SYNPR: variants seen among roughly 807,000 people sequenced by gnomAD.
SYNPR encodes synaptoporin.
SYNPR carries 23 observed loss-of-function variants against 32.9 expected under a neutral mutation model. The ratio of observed to expected loss-of-function variants is 0.70; its 90% confidence interval spans 0.50 to 0.99. The LOEUF is 0.99. SYNPR is among the 50% of genes least tolerant of loss of function. The probability of loss-of-function intolerance (pLI) is 0.00; values close to 1 mark genes in which losing one functional copy is unlikely to be tolerated. For missense variants in SYNPR, 318 were observed against 349.3 expected, an observed-to-expected ratio of 0.91 and a Z score of 0.71; for synonymous variants, 146 against 135.9, an observed-to-expected ratio of 1.07 and a Z score of -0.52.
intron 4 of SYNPR, among the ~76,000 whole-genome samples, chr3:63,573,227 G>C (rs996914863): frequency 1.3e-5 from 2 of 152,072 alleles, no homozygotes; most frequent in African/African-American, 4.8e-5. Context: ...TAAAACCCAG[G>C]GCTATCAGTT....
chr3:63,571,302 G>A (rs927943702), intron 4 of SYNPR, among the ~76,000 whole-genome samples: 2 of 152,150 alleles, frequency 1.3e-5, no homozygotes, highest in African/African-American at 4.8e-5. Context: ...TATACCTGCT[G>A]TCCCTGCAGT....
intron 2 of SYNPR, among the ~76,000 whole-genome samples, chr3:63,260,105 T>C (rs1211387278): frequency 1.3e-5 from 2 of 152,180 alleles, no homozygotes; most frequent in Non-Finnish European, 2.9e-5. Flanking sequence ...TCCATGCTCA[T>C]GGGTAGGAAG....
chr3:63,371,292 G>T (rs1057503285), intron 2 of SYNPR, among the ~76,000 whole-genome samples: 1 of 152,022 alleles, frequency 6.6e-6, no homozygotes, highest in Non-Finnish European at 1.5e-5. Flanking sequence ...GGTAAGAGAA[G>T]TCACTCATGC....
chr3:63,584,165 C>G (rs1185738767), intron 4 of SYNPR, among the ~76,000 whole-genome samples: 1 of 152,066 alleles, frequency 6.6e-6, no homozygotes, highest in Non-Finnish European at 1.5e-5. Context: ...ATGACTCCAG[C>G]CTTGGCCGGC....
chr3:63,274,880 C>G (rs948623133), upstream of SYNPR, among the ~76,000 whole-genome samples: 22 of 152,222 alleles, frequency 1.4e-4, no homozygotes, highest in Admixed American at 8.5e-4. Context: ...AACATTGTTA[C>G]ATGTTTTCCA....
chr3:63,480,816 T>C lies in SYNPR; in HGVS notation c.85-16T>C. The C allele has an allele frequency of 6.2e-7, 1 of 1,612,128 alleles. No individual in the cohort carries two copies. The highest frequency in any genetic ancestry group is 2.2e-5 in the East Asian group (1 of 44,830). On this transcript the variant is annotated splice_polypyrimidine_tract_variant and intron_variant, in intron 2 of 5. Transcript: ENST00000478300. ...TCCTAATAACTGCCTTCTATTTGTTTAATTGTTCTCCACAGCTTTTTGCAA... is the reference window on the plus strand; with the variant it reads ...TCCTAATAACTGCCTTCTATTTGTTCAATTGTTCTCCACAGCTTTTTGCAA...
chr3:63,365,542 A>T, intron 2 of SYNPR, among the ~76,000 whole-genome samples: 1 of 152,238 alleles, frequency 6.6e-6, no homozygotes, highest in East Asian at 1.9e-4. Context: ...AAAACTGAAG[A>T]ATTACTGACA....
intron 1 of SYNPR, among the ~76,000 whole-genome samples, chr3:63,236,394 TTGTC>T (rs1485961014): frequency 6.6e-5 from 10 of 152,114 alleles, no homozygotes; most frequent in African/African-American, 1.9e-4. Flanking sequence ...TAGCATAAGT[TTGTC>T]TGTATCTACA....
chr3:63,458,381 GC>G (rs1186025275), intron 2 of SYNPR, among the ~76,000 whole-genome samples: 4 of 152,058 alleles, frequency 2.6e-5, no homozygotes, highest in Non-Finnish European at 4.4e-5. Flanking sequence ...TCTTGACTGG[GC>G]CCACTCATGT....
At chr3:63,458,401 C>T (rs1037268594) in intron 2 of SYNPR, among the ~76,000 whole-genome samples, 19 of 152,044 alleles carry the variant, frequency 1.2e-4, no homozygotes, top group Non-Finnish European at 2.4e-4. Flanking sequence ...GTATCTATGG[C>T]GATTCTCTGA....
intron 3 of SYNPR, among the ~76,000 whole-genome samples, chr3:63,532,717 C>G (rs1052702469): frequency 6.6e-6 from 1 of 152,198 alleles, no homozygotes; most frequent in Non-Finnish European, 1.5e-5. Context: ...ATCCCACTGA[C>G]GTCCATAAGA....
chr3:63,368,581 C>T (rs1017217654), intron 2 of SYNPR, among the ~76,000 whole-genome samples: 4 of 151,970 alleles, frequency 2.6e-5, no homozygotes, highest in East Asian at 3.9e-4. Context: ...ACAGGCCAGA[C>T]GAGTGAATCT....
chr3:63,447,541 C>T (rs1030622097), intron 2 of SYNPR, among the ~76,000 whole-genome samples: 1 of 152,068 alleles, frequency 6.6e-6, no homozygotes, highest in African/African-American at 2.4e-5. Flanking sequence ...GCTGGTGGTC[C>T]TGTTACATGC....
intron 3 of SYNPR, among the ~76,000 whole-genome samples, chr3:63,500,640 A>G (rs540057554): frequency 5.9e-5 from 9 of 152,222 alleles, no homozygotes; most frequent in Non-Finnish European, 1.3e-4. Context: ...CTGGCATTTT[A>G]AAACCAAAAA....
At chr3:63,258,291 C>T (rs1374342556) in intron 2 of SYNPR, among the ~76,000 whole-genome samples, 3 of 152,208 alleles carry the variant, frequency 2.0e-5, no homozygotes, top group Non-Finnish European at 4.4e-5. Context: ...CCACACCACA[C>T]CTATTCCAAA....
At chr3:63,387,785 G>A (rs1021511892) in intron 2 of SYNPR, among the ~76,000 whole-genome samples, 29 of 152,202 alleles carry the variant, frequency 1.9e-4, no homozygotes, top group African/African-American at 7.0e-4. Context: ...GAGATAAGAG[G>A]TTACAAAGCA....
chr3:63,446,449 A>G (rs1369725114), intron 2 of SYNPR, among the ~76,000 whole-genome samples: 2 of 152,112 alleles, frequency 1.3e-5, no homozygotes, highest in African/African-American at 2.4e-5. Context: ...AGAGTCCCCA[A>G]ATGCATTCCT....
chr3:63,478,662 T>C (rs1204095826), intron 2 of SYNPR, among the ~76,000 whole-genome samples: 1 of 152,122 alleles, frequency 6.6e-6, no homozygotes, highest in African/African-American at 2.4e-5. Flanking sequence ...TCTGCATGAA[T>C]TGGAAGAGGG....
intron 5 of SYNPR, among the ~76,000 whole-genome samples, chr3:63,613,914 A>G (rs547468139): frequency 2.0e-5 from 3 of 152,290 alleles, no homozygotes; most frequent in Non-Finnish European, 2.9e-5. Flanking sequence ...TTCAAAGCCT[A>G]TAGAGATTTC....
Sources: allele counts gnomAD v4.1 joint callset (sites outside exome capture counted in the v4.1 genomes callset), GRCh38; gene constraint gnomAD v4.1.1; transcripts MANE v1.5; gene names NCBI Gene and HGNC (gene_info 2026-07-23, HGNC 2026-07-21).